LRMDA: variants seen among roughly 807,000 people sequenced by gnomAD.
The protein encoded by LRMDA is leucine rich melanocyte differentiation associated, also known as leucine-rich melanocyte differentiation-associated protein.
A neutral mutation model predicts 29.8 loss-of-function variants in LRMDA; 18 were observed. The observed-to-expected ratio is 0.60, with a 90% CI of 0.42 to 0.90. LRMDA has a LOEUF of 0.90. LRMDA is among the 40% of genes least tolerant of loss of function. LRMDA has a pLI of 0.00. For synonymous variants in LRMDA, 125 were observed against 109.4 expected (o/e 1.14, Z -0.89); for missense variants, 273 against 273.9 (o/e 1.00, Z 0.02).
chr10:76,264,297 C>A (rs1839977568), intron 5 of LRMDA, among the ~76,000 whole-genome samples: 1 of 151,508 alleles, frequency 6.6e-6, no homozygotes, highest in East Asian at 1.9e-4. Flanking sequence ...GTCCCAGCTA[C>A]TTGGGAGGCT....
chr10:76,385,440 T>G (rs1841647960), intron 6 of LRMDA, among the ~76,000 whole-genome samples: 1 of 152,170 alleles, frequency 6.6e-6, no homozygotes, highest in South Asian at 2.1e-4. Flanking sequence ...GTATGATACT[T>G]TCAGAGAGGG....
intron 2 of LRMDA, among the ~76,000 whole-genome samples, chr10:75,996,317 G>A (rs75976136): frequency 0.029 from 4,487 of 152,294 alleles, 75 homozygotes; most frequent in Middle Eastern, 0.051. Context: ...AGGTTCATGG[G>A]GAGTTTTGAA....
intron 2 of LRMDA, among the ~76,000 whole-genome samples, chr10:75,485,580 G>GTATA (rs755018921): frequency 3.3e-5 from 5 of 150,454 alleles, no homozygotes; most frequent in East Asian, 3.9e-4. Context: ...GTGTGTGTGT[G>GTATA]TATATATATA....
At chr10:76,524,441 C>G (rs1843153708) in intron 6 of LRMDA, among the ~76,000 whole-genome samples, 1 of 152,184 alleles carries the variant, frequency 6.6e-6, no homozygotes, top group Non-Finnish European at 1.5e-5. Context: ...TTACTAGGAA[C>G]AACTTTAATG....
At chr10:75,686,431 G>A (rs1409438122) in intron 2 of LRMDA, among the ~76,000 whole-genome samples, 1 of 152,160 alleles carries the variant, frequency 6.6e-6, no homozygotes, top group African/African-American at 2.4e-5. Context: ...TTTCTCCATG[G>A]TGCTTGCTTG....
intron 6 of LRMDA, among the ~76,000 whole-genome samples, chr10:76,547,731 G>C (rs1843439218): frequency 6.6e-6 from 1 of 152,138 alleles, no homozygotes; most frequent in Non-Finnish European, 1.5e-5. Flanking sequence ...TGAGGCCAGA[G>C]CACTTGACCA....
chr10:76,211,171 C>G (rs1291788983), intron 5 of LRMDA, among the ~76,000 whole-genome samples: 27 of 152,172 alleles, frequency 1.8e-4, no homozygotes, highest in Admixed American at 1.8e-3. Flanking sequence ...AAATGTCCTT[C>G]CTCTCTGTCT....
chr10:76,233,913 T>C (rs987952770), intron 5 of LRMDA, among the ~76,000 whole-genome samples: 1 of 152,174 alleles, frequency 6.6e-6, no homozygotes, highest in Non-Finnish European at 1.5e-5. Flanking sequence ...TCCGTGAGGG[T>C]TGGAATTCAC....
intron 2 of LRMDA, among the ~76,000 whole-genome samples, chr10:75,813,165 G>A (rs1438030552): frequency 6.6e-6 from 1 of 152,158 alleles, no homozygotes; most frequent in East Asian, 1.9e-4. Flanking sequence ...TCTGAGGGGC[G>A]GCAAATCTGA....
At chr10:76,194,695 T>A (rs1851303477) in intron 5 of LRMDA, among the ~76,000 whole-genome samples, 1 of 152,174 alleles carries the variant, frequency 6.6e-6, no homozygotes, top group Non-Finnish European at 1.5e-5. Flanking sequence ...AGCTACCATA[T>A]CAACCTGTCT....
chr10:75,501,391 T>G (rs1056034708), intron 2 of LRMDA, among the ~76,000 whole-genome samples: 5 of 152,210 alleles, frequency 3.3e-5, no homozygotes, highest in Non-Finnish European at 7.3e-5. Context: ...TAAATGATTC[T>G]TTTTCTTCTT....
At chr10:76,014,094 T>A (rs1265005951) in intron 2 of LRMDA, among the ~76,000 whole-genome samples, 54 of 105,170 alleles carry the variant, frequency 5.1e-4, no homozygotes, top group African/African-American at 1.9e-3. Flanking sequence ...TGTTTCTGTT[T>A]AAAAAAAAAA....
Position 75,905,842 on chromosome 10 carries a change from C to T in LRMDA, c.132-130166C>T, listed in dbSNP as rs916778139. 2.0e-5 allele frequency among the ~76,000 whole-genome samples: 3 copies of T among 152,164 alleles called. 1 individual carries two copies. The South Asian group carries it at 6.2e-4, about 31-fold the overall frequency. On this transcript the variant is annotated intron_variant, in intron 2 of 6. Coordinates refer to ENST00000611255, the MANE Select transcript of LRMDA (RefSeq NM_001305581.2). ...CTTGCTCTTGGGAAGTGGGACATTTCCCTCTCTCTGTCTAAGGCATTCAGC... is the reference window on the plus strand; with the variant it reads ...CTTGCTCTTGGGAAGTGGGACATTTTCCTCTCTCTGTCTAAGGCATTCAGC...
At chr10:76,217,290 A>G (rs946762895) in intron 5 of LRMDA, among the ~76,000 whole-genome samples, 1 of 152,228 alleles carries the variant, frequency 6.6e-6, no homozygotes, top group African/African-American at 2.4e-5. Flanking sequence ...TCATTCCCCC[A>G]AACTGTATTC....
intron 2 of LRMDA, among the ~76,000 whole-genome samples, chr10:75,736,371 A>G (rs1413178917): frequency 6.6e-6 from 1 of 152,182 alleles, no homozygotes; most frequent in Non-Finnish European, 1.5e-5. Context: ...GTTGATTAGG[A>G]CCTTGGGAAT....
At chr10:76,136,677 G>A (rs556210876) in intron 5 of LRMDA, among the ~76,000 whole-genome samples, 32 of 152,124 alleles carry the variant, frequency 2.1e-4, no homozygotes, top group African/African-American at 7.5e-4. Context: ...GATATAGCAA[G>A]TTTAGAGATT....
chr10:76,332,384 C>G (rs1840914978), intron 6 of LRMDA, among the ~76,000 whole-genome samples: 1 of 148,160 alleles, frequency 6.7e-6, no homozygotes, highest in Non-Finnish European at 1.5e-5. Context: ...CATTTGCAGT[C>G]TCTGAGATTG....
chr10:76,224,667 CTT>C (rs35143239), intron 5 of LRMDA, among the ~76,000 whole-genome samples: 4,213 of 105,292 alleles, frequency 0.04, 208 homozygotes, highest in African/African-American at 0.13. Flanking sequence ...GTCTAGGACT[CTT>C]TTTTTTTTTT....
At chr10:75,447,851 T>G (rs1844412324) in intron 2 of LRMDA, among the ~76,000 whole-genome samples, 1 of 152,186 alleles carries the variant, frequency 6.6e-6, no homozygotes, top group African/African-American at 2.4e-5. Context: ...TTTGTGCTAC[T>G]GCACTCCAGC....
Sources: allele counts gnomAD v4.1 joint callset (sites outside exome capture counted in the v4.1 genomes callset), GRCh38; gene constraint gnomAD v4.1.1; transcripts MANE v1.5; gene names NCBI Gene and HGNC (gene_info 2026-07-23, HGNC 2026-07-21).